SLC7A1: variants seen among roughly 807,000 people sequenced by gnomAD.
The protein encoded by SLC7A1 is high affinity cationic amino acid transporter 1.
Under a neutral mutation model 53.9 loss-of-function variants are expected in SLC7A1, and 10 were observed. The observed-to-expected ratio is 0.19, with a 90% CI of 0.11 to 0.31. The LOEUF is 0.31. Among genes scored for constraint, SLC7A1 ranks in the 10% least tolerant of loss-of-function variants. The pLI is 1.00. For synonymous variants in SLC7A1, 342 were observed against 338.7 expected (o/e 1.01, Z -0.11); for missense variants, 525 against 827.2 (o/e 0.63, Z 4.48).
chr13:29,532,053 C>G (rs977878010), intron 4 of SLC7A1, among the ~76,000 whole-genome samples: 1 of 152,094 alleles, frequency 6.6e-6, no homozygotes, highest in African/African-American at 2.4e-5. Context: ...CCAGCTGGAC[C>G]AGAAATACTG....
chr13:29,520,594 T>C (rs910701937), intron 8 of SLC7A1, among the ~76,000 whole-genome samples: 7 of 152,236 alleles, frequency 4.6e-5, no homozygotes, highest in Admixed American at 2.6e-4. Flanking sequence ...TGGGTGTGTA[T>C]GTCAAGTACT....
intron 1 of SLC7A1, among the ~76,000 whole-genome samples, chr13:29,583,293 TG>T (rs973320542): frequency 1.2e-4 from 18 of 152,248 alleles, no homozygotes; most frequent in African/African-American, 4.3e-4. Flanking sequence ...ACTGCTCATT[TG>T]GATATGGGGC....
chr13:29,542,282 C>A (rs1438744134), intron 2 of SLC7A1, among the ~76,000 whole-genome samples: 2 of 152,090 alleles, frequency 1.3e-5, no homozygotes, highest in Admixed American at 6.5e-5. Flanking sequence ...TGGTGAAACA[C>A]CATCTCTACT....
At chr13:29,572,608 T>C in intron 1 of SLC7A1, among the ~76,000 whole-genome samples, 1 of 152,090 alleles carries the variant, frequency 6.6e-6, no homozygotes, top group East Asian at 1.9e-4. Context: ...AATCCTAAAC[T>C]TGGATTTGGA....
chr13:29,557,447 G>T (rs952968159), intron 1 of SLC7A1, among the ~76,000 whole-genome samples: 4 of 152,118 alleles, frequency 2.6e-5, no homozygotes, highest in African/African-American at 9.7e-5. Flanking sequence ...GGCTGCATGG[G>T]ATAGCCTTGG....
chr13:29,578,027 G>A (rs1176922296), intron 1 of SLC7A1, among the ~76,000 whole-genome samples: 1 of 152,146 alleles, frequency 6.6e-6, no homozygotes, highest in Non-Finnish European at 1.5e-5. Flanking sequence ...AACACGTGCT[G>A]ACTTCTAGAG....
chr13:29,551,911 G>A (rs1351634708), intron 2 of SLC7A1, among the ~76,000 whole-genome samples: 1 of 152,106 alleles, frequency 6.6e-6, no homozygotes, highest in Non-Finnish European at 1.5e-5. Context: ...CATTTACAAG[G>A]TAGTAGCAGC....
At chr13:29,530,112 T>C (rs1349319826) in intron 5 of SLC7A1, among the ~76,000 whole-genome samples, 1 of 152,180 alleles carries the variant, frequency 6.6e-6, no homozygotes, top group East Asian at 1.9e-4. Flanking sequence ...CCCTCTACAT[T>C]ATTAATCTAA....
chr13:29,520,130 T>TATCC (rs1343697835), intron 8 of SLC7A1, among the ~76,000 whole-genome samples: 1 of 152,138 alleles, frequency 6.6e-6, no homozygotes, highest in Admixed American at 6.5e-5. Flanking sequence ...TCCATCTATC[T>TATCC]ATCCATCCAT....
At chr13:29,552,048 G>A (rs909781284) in intron 2 of SLC7A1, among the ~76,000 whole-genome samples, 2 of 152,098 alleles carry the variant, frequency 1.3e-5, no homozygotes, top group African/African-American at 4.8e-5. Flanking sequence ...ATGTGGCAAA[G>A]GTCACTGGCT....
chr13:29,540,284 G>C (rs150094757), intron 2 of SLC7A1, among the ~76,000 whole-genome samples: 31 of 152,254 alleles, frequency 2.0e-4, no homozygotes, highest in African/African-American at 6.7e-4. Context: ...TTTTATTTGA[G>C]GGTTTGATGG....
intron 1 of SLC7A1, among the ~76,000 whole-genome samples, chr13:29,591,567 G>A (rs763467095): frequency 6.6e-6 from 1 of 152,138 alleles, no homozygotes; most frequent in African/African-American, 2.4e-5. Context: ...CACTTTTAAA[G>A]AAACAGGAAA....
intron 1 of SLC7A1, among the ~76,000 whole-genome samples, chr13:29,571,989 C>T (rs558136473): frequency 4.3e-4 from 65 of 152,294 alleles, no homozygotes; most frequent in African/African-American, 1.4e-3. Flanking sequence ...TTGACCTTTG[C>T]GTGTACAGTG....
intron 2 of SLC7A1, among the ~76,000 whole-genome samples, chr13:29,546,498 C>T (rs867707925): frequency 6.6e-5 from 10 of 152,136 alleles, no homozygotes; most frequent in Admixed American, 5.2e-4. Flanking sequence ...GCATTGCAAA[C>T]GAGAGCAAAG....
intron 2 of SLC7A1, among the ~76,000 whole-genome samples, chr13:29,549,258 A>G (rs914315538): frequency 3.9e-5 from 6 of 152,240 alleles, no homozygotes; most frequent in African/African-American, 1.4e-4. Context: ...ATCAAAGACC[A>G]GGAGAAAACC....
intron 4 of SLC7A1, among the ~76,000 whole-genome samples, chr13:29,532,532 G>T (rs536192067): frequency 6.6e-6 from 1 of 152,150 alleles, no homozygotes; most frequent in African/African-American, 2.4e-5. Flanking sequence ...CAAAAAGCCT[G>T]CAGTGCAGAC....
At chr13:29,554,123 T>A (rs994076645) in intron 1 of SLC7A1, among the ~76,000 whole-genome samples, 1 of 152,160 alleles carries the variant, frequency 6.6e-6, no homozygotes, top group African/African-American at 2.4e-5. Flanking sequence ...CTGACTCTCA[T>A]ATTTCAAAGA....
intron 1 of SLC7A1, among the ~76,000 whole-genome samples, chr13:29,579,256 C>G (rs1871540804): frequency 6.6e-6 from 1 of 152,180 alleles, no homozygotes; most frequent in Admixed American, 6.5e-5. Context: ...CCTATCCCGA[C>G]ATTCCAAACT....
chr13:29,547,768 T>G (rs1593558915), intron 2 of SLC7A1, among the ~76,000 whole-genome samples: 1 of 152,242 alleles, frequency 6.6e-6, no homozygotes, highest in East Asian at 1.9e-4. Flanking sequence ...TAGGAGAAGC[T>G]GATAAGCGGG....
Sources: gnomAD v4.1 joint callset for allele counts (sites outside exome capture counted in the v4.1 genomes callset) on GRCh38, gnomAD v4.1.1 for gene constraint, MANE v1.5 for transcripts, NCBI Gene and HGNC (gene_info 2026-07-23, HGNC 2026-07-21) for gene names.